Variants in AQP10 observed in about 807,000 individuals in gnomAD.
AQP10 encodes aquaporin 10.
Under a neutral mutation model 21.0 loss-of-function variants are expected in AQP10, and 15 were observed. The ratio of observed to expected loss-of-function variants is 0.71; its 90% CI spans 0.48 to 1.10. The LOEUF is 1.10. Among genes scored for constraint, AQP10 ranks in the 50% least tolerant of loss-of-function variants. AQP10 has a pLI of 0.00. For missense variants in AQP10, 268 were observed against 379.5 expected, an observed-to-expected ratio of 0.71 and a Z score of 2.44; for synonymous variants, 143 against 155.7, an observed-to-expected ratio of 0.92 and a Z score of 0.61.
Position 154,323,723 on chromosome 1 carries a change from C to T in AQP10, c.624C>T (p.Asn208=). ...CCCTCGGGTTATCCATGGGTGCCAACTGCGGGATTCCACTCAACCCTGCCC... is the reference window on the plus strand; with the variant it reads ...CCCTCGGGTTATCCATGGGTGCCAATTGCGGGATTCCACTCAACCCTGCCC... ...ILALGLSMGA[N]CGIPLNPARD... is the part of the protein sequence containing the mutation. The change falls in exon 5 of 6, where the codon AAC becomes AAT. Residue 208 remains asparagine, a synonymous_variant. Coordinates refer to ENST00000324978, the MANE Select transcript of AQP10 (RefSeq NM_080429.3). The surrounding 1 kb of genome is among the most constrained non-coding windows in gnomAD (Gnocchi z 4.5). 1 of 1,614,164 alleles carries T rather than the reference C, an allele frequency of 6.2e-7. No homozygotes were observed. Among genetic ancestry groups the T allele is most frequent in the South Asian group, 1.1e-5 (1 of 91,080 alleles).
At position 154,324,656 on chromosome 1, in the gene AQP10, G is replaced by A. The variant is rs1685722887; in HGVS notation, c.*176G>A. On this transcript the variant is annotated 3_prime_UTR_variant, in exon 6 of 6. Coordinates refer to ENST00000324978, the MANE Select transcript of AQP10 (RefSeq NM_080429.3). ...GGATCCTGGACAGGGAGAAGTGGAGGAGGATAAGGTACCAGGACTCAGGCT... is the reference window on the plus strand; with the variant it reads ...GGATCCTGGACAGGGAGAAGTGGAGAAGGATAAGGTACCAGGACTCAGGCT... 1.6e-6 allele frequency: 1 copy of A among 642,600 alleles called. No individual in the cohort carries two copies. Among genetic ancestry groups the A allele is most frequent in the Non-Finnish European group, 2.5e-6 (1 of 398,834 alleles). 39.8% of individuals were successfully genotyped at this position (642,600 alleles called of 1,614,324 possible). A position where few individuals can be genotyped will look rare whatever the true frequency, so the allele number is the denominator to read the frequency against.
At position 154,322,965 on chromosome 1, in the gene AQP10, T is replaced by C; in HGVS notation, c.233-17T>C. 1 of 1,614,108 alleles carries C rather than the reference T, an allele frequency of 6.2e-7. No individual in the cohort carries two copies. The highest frequency in any genetic ancestry group is 8.5e-7 in the Non-Finnish European group (1 of 1,180,000). Reference sequence around the variant, plus strand: ...GACACTTAATAGATGCTCTTTTTCTTTCCTTGATACTTGAAGGGGCCCACC... The same window carrying C: ...GACACTTAATAGATGCTCTTTTTCTCTCCTTGATACTTGAAGGGGCCCACC... On this transcript the variant is annotated splice_polypyrimidine_tract_variant and intron_variant, in intron 2 of 5. Transcript: ENST00000324978.
Position 154,323,921 on chromosome 1 carries a change from G to C in AQP10, c.707+115G>C, listed in dbSNP as rs1685703883. 6.7e-7 allele frequency: 1 copy of C among 1,501,162 alleles called. No individual in the cohort carries two copies. The highest frequency in any genetic ancestry group is 8.9e-7 in the Non-Finnish European group (1 of 1,120,882). 93.0% of individuals were successfully genotyped at this position (1,501,162 alleles called of 1,614,324 possible). Reference sequence around the variant, plus strand: ...ATAGCTCTCTTGGCTTCTTAGGACAGTGTTCTTTCTCCAAGTCATATTCTC... The same window carrying C: ...ATAGCTCTCTTGGCTTCTTAGGACACTGTTCTTTCTCCAAGTCATATTCTC... On this transcript the variant is annotated intron_variant, in intron 5 of 5. Transcript: ENST00000324978. The surrounding 1 kb of genome is among the most constrained non-coding windows in gnomAD (Gnocchi z 4.5).
In AQP10 at chr1:154,323,399, C is replaced by A. The variant is rs1354424794; in HGVS notation, c.489+40C>A. The A allele has an allele frequency of 1.3e-6, 2 of 1,591,302 alleles. No individual in the cohort carries two copies. Among genetic ancestry groups the A allele is most frequent in the Non-Finnish European group, 1.7e-6 (2 of 1,161,312 alleles). On this transcript the variant is annotated intron_variant, in intron 4 of 5. Coordinates refer to ENST00000324978, the MANE Select transcript of AQP10 (RefSeq NM_080429.3). The surrounding 1 kb of genome is among the most constrained non-coding windows in gnomAD (Gnocchi z 4.5). ...GAGACCTGGGGACACTACTTTGGTCCTGTTCCTCGGCACCCCAGCCTATTG... is the reference window on the plus strand; with the variant it reads ...GAGACCTGGGGACACTACTTTGGTCATGTTCCTCGGCACCCCAGCCTATTG...
chr1:154,323,019 C>T lies in AQP10; in HGVS notation c.270C>T (p.Cys90=), dbSNP rs771295271. 8 of 1,614,070 alleles carry T rather than the reference C, an allele frequency of 5.0e-6. No individual in the cohort carries two copies. Among genetic ancestry groups the T allele is most frequent in the South Asian group, 1.1e-5 (1 of 91,082 alleles). The stretch of plus-strand genomic sequence containing the variant: ...ATCCAGCCTTCTCCCTGGCCATGTG[C>T]ATCGTTGGACGCCTCCCCTGGGTCA... ...HLNPAFSLAM[C]IVGRLPWVKL... The change falls in exon 3 of 6, where the codon TGC becomes TGT. Residue 90 remains cysteine (C), a synonymous_variant. Coordinates refer to ENST00000324978, the MANE Select transcript of AQP10 (RefSeq NM_080429.3). This position sits in a 1 kb window ranked among gnomAD's most constrained non-coding sequence, Gnocchi z 4.5.
chr1:154,323,489 G>A lies in AQP10; in HGVS notation c.490-100G>A, dbSNP rs1244000466. On this transcript the variant is annotated intron_variant, in intron 4 of 5. Coordinates refer to ENST00000324978, the MANE Select transcript of AQP10 (RefSeq NM_080429.3). The surrounding 1 kb of genome is among the most constrained non-coding windows in gnomAD (Gnocchi z 4.5). ...CACTCCCCACCATCCCCAACTGCCT[G>A]TGTTGCACAAAGCCAGATGACATGG... 4.0e-6 allele frequency: 6 copies of A among 1,502,786 alleles called. No homozygotes were observed. The highest frequency in any genetic ancestry group is 1.8e-6 in the Non-Finnish European group (2 of 1,096,010). 93.1% of individuals were successfully genotyped at this position (1,502,786 alleles called of 1,614,324 possible).
At position 154,325,279 on chromosome 1, in the gene AQP10, G is replaced by C. The variant is rs1275527698; in HGVS notation, c.*799G>C. On this transcript the variant is annotated 3_prime_UTR_variant, in exon 6 of 6. Coordinates refer to ENST00000324978, the MANE Select transcript of AQP10 (RefSeq NM_080429.3). Reference sequence around the variant, plus strand: ...ATGCTCGTTTTGCAGAGAAGGCAGTGTTCCTCTATTCCCTTCTTCCGAATT... The same window carrying C: ...ATGCTCGTTTTGCAGAGAAGGCAGTCTTCCTCTATTCCCTTCTTCCGAATT... 1 of 152,228 alleles carries C rather than the reference G, an allele frequency of 6.6e-6. No individual in the cohort carries two copies. Among genetic ancestry groups the C allele is most frequent in the Non-Finnish European group, 1.5e-5 (1 of 68,052 alleles). 9.4% of individuals were successfully genotyped at this position (152,228 alleles called of 1,614,324 possible).
chr1:154,323,561 G>A lies in AQP10; in HGVS notation c.490-28G>A, dbSNP rs771717485. On this transcript the variant is annotated intron_variant, in intron 4 of 5. Coordinates refer to ENST00000324978, the MANE Select transcript of AQP10 (RefSeq NM_080429.3). The surrounding 1 kb of genome is among the most constrained non-coding windows in gnomAD (Gnocchi z 4.5). The stretch of plus-strand genomic sequence containing the variant: ...AGATGGAGCACCTGGCAGCTGACAG[G>A]GAACCCTCTGCCTCTGTTGACTCCA... 7.5e-6 allele frequency: 12 copies of A among 1,601,090 alleles called. No individual in the cohort carries two copies. In the South Asian group the frequency reaches 1.3e-4, roughly 18 times the overall value.
rs1685694614 is a variant in AQP10 at position 154,323,596 on chromosome 1, G to C, written c.497G>C (p.Gly166Ala). The C allele has an allele frequency of 6.2e-7, 1 of 1,613,412 alleles. No homozygotes were observed. Among genetic ancestry groups the C allele is most frequent in the African/African-American group, 1.3e-5 (1 of 74,906 alleles). Reference sequence around the variant, plus strand: ...GCCTCTGTTGACTCCAAGGTTCTGGGCACTGGGATGCTGATTGTGGGGCTC... The same window carrying C: ...GCCTCTGTTGACTCCAAGGTTCTGGCCACTGGGATGCTGATTGTGGGGCTC... ...LNNGFLDQVL[G>A]TGMLIVGLLA... Residue 166 changes from glycine (G) to alanine (A), a missense_variant, in exon 5 of 6, where the codon GGC (glycine) becomes GCC (alanine). This residue lies in a region of AQP10 where 229 missense variants were observed against 295.1 expected (regional missense o/e 0.78). Transcript: ENST00000324978. This position sits in a 1 kb window ranked among gnomAD's most constrained non-coding sequence, Gnocchi z 4.5.
At chr1:154,322,750 G>A (rs1175014744) in intron 2 of AQP10, among the ~76,000 whole-genome samples, 2 of 151,944 alleles carry the variant, frequency 1.3e-5, no homozygotes, top group African/African-American at 2.4e-5. Context: ...CCACTGCCTC[G>A]GCCTCCCAAA....
chr1:154,322,079 G>T lies in AQP10; in HGVS notation c.232+20G>T, dbSNP rs1245363184. On this transcript the variant is annotated intron_variant, in intron 2 of 5. Transcript: ENST00000324978. ...TCTCAGGTGAGGAGGGTGGGGTCTG[G>T]TCATCAGAGCACGTGGGATGTGCAT... 1 of 1,612,984 alleles carries T rather than the reference G, an allele frequency of 6.2e-7. No individual in the cohort carries two copies. The highest frequency in any genetic ancestry group is 8.5e-7 in the Non-Finnish European group (1 of 1,179,394).
chr1:154,321,261 G>A lies in AQP10; in HGVS notation c.105+1G>A, dbSNP rs1301310607. 1.2e-6 allele frequency: 2 copies of A among 1,611,520 alleles called. No individual in the cohort carries two copies. The highest frequency in any genetic ancestry group is 3.3e-5 in the Admixed American group (2 of 59,796). On this transcript the variant is annotated splice_donor_variant, in intron 1 of 5. Coordinates refer to ENST00000324978, the MANE Select transcript of AQP10 (RefSeq NM_080429.3). LOFTEE classifies it high-confidence loss of function. ...GTTTCTGGGTGTGTTTGTACTCATG[G>A]TAGGTAGGATCACTGCGGGAAGGAA...
At chr1:154,324,122 C>T in intron 5 of AQP10, 160 bp from the exon 6 acceptor site, 1 of 1,109,454 alleles carries the variant, frequency 9.0e-7, no homozygotes, top group Non-Finnish European at 1.2e-6. Flanking sequence ...GGGGTTCCCT[C>T]TTCTAAATAC....
chr1:154,323,133 C>T lies in AQP10; in HGVS notation c.370+14C>T. ...TTCTCTACCATGGTGACAGAGGGAA[C>T]AGAGGGAGCTGTGCCTTGAGAGCAC... On this transcript the variant is annotated intron_variant, in intron 3 of 5. Transcript: ENST00000324978. This position sits in a 1 kb window ranked among gnomAD's most constrained non-coding sequence, Gnocchi z 4.5. 1.2e-6 allele frequency: 2 copies of T among 1,614,136 alleles called. No homozygotes were observed. Among genetic ancestry groups the T allele is most frequent in the South Asian group, 2.2e-5 (2 of 91,084 alleles).
chr1:154,321,204 C>A lies in AQP10; in HGVS notation c.49C>A (p.Arg17Ser), dbSNP rs761060478. The A allele has an allele frequency of 1.3e-5, 21 of 1,613,640 alleles. No individual in the cohort carries two copies. The Middle Eastern group carries it at 4.9e-4, about 38-fold the overall frequency. Residue 17 changes from arginine (R) to serine (S), a missense_variant, in exon 1 of 6, where the codon CGC becomes AGC. Arg to Ser is a moderately radical substitution (Grantham distance 110). Coordinates refer to ENST00000324978, the MANE Select transcript of AQP10 (RefSeq NM_080429.3). Reference sequence around the variant, plus strand: ...TGAAATCATGGGCCACCTCCGGATACGCAGCCTCCTGGCCCGGCAGTGCCT... The same window carrying A: ...TGAAATCATGGGCCACCTCCGGATAAGCAGCCTCCTGGCCCGGCAGTGCCT... ...PAEIMGHLRIRSLLARQCLAE... is the reference protein window; with the variant it reads ...PAEIMGHLRISSLLARQCLAE...
Position 154,323,631 on chromosome 1 carries a change from C to T in AQP10, c.532C>T (p.Leu178=). ...GMLIVGLLAI[L]DRRNKGVPAG... ...GCTGATTGTGGGGCTCTTGGCCATC[C>T]TGGACAGACGGAACAAGGGAGTCCC... The change falls in exon 5 of 6, where the codon CTG becomes TTG. Residue 178 remains leucine, a synonymous_variant. Transcript: ENST00000324978. The surrounding 1 kb of genome is among the most constrained non-coding windows in gnomAD (Gnocchi z 4.5). 1.2e-6 allele frequency: 2 copies of T among 1,614,170 alleles called. No homozygotes were observed. The highest frequency in any genetic ancestry group is 2.2e-5 in the South Asian group (2 of 91,086).
rs1685738130 is a variant in AQP10 at position 154,325,182 on chromosome 1, G to A, written c.*702G>A. On this transcript the variant is annotated 3_prime_UTR_variant, in exon 6 of 6. Coordinates refer to ENST00000324978, the MANE Select transcript of AQP10 (RefSeq NM_080429.3). ...CTCCGAGGAGCGAGAGTCGGGCTGA[G>A]GGCAACCTGGCGCCAGGGAAAATTC... is the stretch of plus-strand genomic sequence containing the variant. 1.3e-5 allele frequency: 2 copies of A among 152,360 alleles called. No homozygotes were observed. 9.4% of individuals were successfully genotyped at this position (152,360 alleles called of 1,614,324 possible). A position where few individuals can be genotyped will look rare whatever the true frequency, so the allele number is the denominator to read the frequency against.
In AQP10 at chr1:154,324,433, G is replaced by C. The variant is rs756831326; in HGVS notation, c.859G>C (p.Glu287Gln). Residue 287 changes from glutamate to glutamine, a missense_variant, in exon 6 of 6, where the codon GAG (glutamate) becomes CAG (glutamine). Coordinates refer to ENST00000324978, the MANE Select transcript of AQP10 (RefSeq NM_080429.3). Reference protein sequence around the residue: ...DLVSAQHKASELETPASAQML... With the variant: ...DLVSAQHKASQLETPASAQML... The stretch of plus-strand genomic sequence containing the variant: ...GGTGTCTGCTCAACACAAAGCCTCA[G>C]AGTTGGAAACTCCTGCCTCAGCTCA... The C allele has an allele frequency of 2.5e-6, 4 of 1,613,590 alleles. No homozygotes were observed. The South Asian group carries it at 3.3e-5, about 13-fold the overall frequency.
chr1:154,322,861 G>A, intron 2 of AQP10, 121 bp from the exon 3 acceptor site: 1 of 1,280,562 alleles, frequency 7.8e-7, no homozygotes, highest in South Asian at 1.4e-5. Context: ...TTCCTAAGCT[G>A]TGTGATGAGA....
Sources: allele counts gnomAD v4.1 joint callset (sites outside exome capture counted in the v4.1 genomes callset), GRCh38; gene constraint gnomAD v4.1.1; regional missense constraint gnomAD v4.1.1; non-coding constraint Gnocchi (gnomAD v3.1); transcripts MANE v1.5; gene names NCBI Gene and HGNC (gene_info 2026-07-23, HGNC 2026-07-21).